The following RCAN1 variants were observed in gnomAD, a reference collection of about 807,000 sequenced individuals.
RCAN1 encodes the protein calcipressin-1.
RCAN1 carries 11 observed loss-of-function variants against 22.9 expected under a neutral mutation model. That is an observed-to-expected ratio of 0.48 (90% confidence interval 0.30 to 0.79). The LOEUF is 0.79. Among genes scored for constraint, RCAN1 ranks in the 30% least tolerant of loss-of-function variants. The pLI, the probability that RCAN1 is intolerant of heterozygous loss-of-function variation, is 0.06. For missense variants in RCAN1, 291 were observed against 337.8 expected, an observed-to-expected ratio of 0.86 and a Z score of 1.09; for synonymous variants, 136 against 142.3, an observed-to-expected ratio of 0.96 and a Z score of 0.32.
chr21:34,556,102 A>AAATAAATAATT (rs1986561009), intron 1 of RCAN1, among the ~76,000 whole-genome samples: 1 of 34,092 alleles, frequency 2.9e-5, no homozygotes, highest in Non-Finnish European at 6.1e-5. Flanking sequence ...ATAAATAATT[A>AAATAAATAATT]AAGGCCAAAA....
chr21:34,588,293 G>A (rs1164939414), intron 1 of RCAN1, among the ~76,000 whole-genome samples: 2 of 152,198 alleles, frequency 1.3e-5, no homozygotes, highest in African/African-American at 2.4e-5. Flanking sequence ...GTAACTTGGT[G>A]GGCCATGGTG....
At chr21:34,525,000 C>T (rs1238944992) in intron 1 of RCAN1, 21 of 1,519,710 alleles carry the variant, frequency 1.4e-5, no homozygotes, top group African/African-American at 2.8e-5. Context: ...TGTGGGAGCC[C>T]GTGTGAAAGG....
In RCAN1 at chr21:34,612,913, C is replaced by T. The variant is rs556667776; in HGVS notation, c.252+1847G>A. Among the ~76,000 whole-genome samples, 7 of 152,348 alleles carry T rather than the reference C, an allele frequency of 4.6e-5. No homozygotes were observed. In the South Asian group the frequency reaches 1.5e-3, roughly 32 times the overall value. On this transcript the variant is annotated intron_variant, in intron 1 of 3. Transcript: ENST00000313806. Reference sequence around the variant, plus strand: ...CCTGACCACTCTGACCAAGCCCCCTCCCCTTGCTCTCTATCCCTGTTTCAG... The same window carrying T: ...CCTGACCACTCTGACCAAGCCCCCTTCCCTTGCTCTCTATCCCTGTTTCAG...
intron 1 of RCAN1, among the ~76,000 whole-genome samples, chr21:34,550,211 C>A (rs1440467963): frequency 1.3e-5 from 2 of 152,146 alleles, no homozygotes; most frequent in Non-Finnish European, 2.9e-5. Flanking sequence ...TGTCATCTCC[C>A]AATGAAGATG....
chr21:34,536,236 A>C (rs764345709), intron 1 of RCAN1, among the ~76,000 whole-genome samples: 1 of 152,228 alleles, frequency 6.6e-6, no homozygotes, highest in Non-Finnish European at 1.5e-5. Context: ...GGCAACATTT[A>C]TTTGGAGATT....
At chr21:34,562,464 A>G (rs7280725) in intron 1 of RCAN1, among the ~76,000 whole-genome samples, 36,850 of 152,048 alleles carry the variant, frequency 0.24, 5,210 homozygotes, top group African/African-American at 0.39. Context: ...GAGGGTCCCC[A>G]AGGAGTGATG....
At chr21:34,583,385 C>T in intron 1 of RCAN1, among the ~76,000 whole-genome samples, 1 of 152,142 alleles carries the variant, frequency 6.6e-6, no homozygotes, top group Non-Finnish European at 1.5e-5. Flanking sequence ...CCATGTTGGT[C>T]AGGCTGGTCT....
intron 1 of RCAN1, among the ~76,000 whole-genome samples, chr21:34,609,849 T>C (rs1233951469): frequency 6.6e-6 from 1 of 152,152 alleles, no homozygotes; most frequent in African/African-American, 2.4e-5. Context: ...TCAGAAACCC[T>C]AAAATTAGAG....
At chr21:34,566,783 T>C (rs976296830) in intron 1 of RCAN1, among the ~76,000 whole-genome samples, 1 of 152,108 alleles carries the variant, frequency 6.6e-6, no homozygotes, top group Non-Finnish European at 1.5e-5. Context: ...AAGCTTCTAC[T>C]CATGGTGGAA....
chr21:34,581,981 C>T (rs1391193525), intron 1 of RCAN1, among the ~76,000 whole-genome samples: 1 of 152,120 alleles, frequency 6.6e-6, no homozygotes, highest in African/African-American at 2.4e-5. Context: ...GTCATCTACC[C>T]TTGTGGGTAG....
intron 1 of RCAN1, among the ~76,000 whole-genome samples, chr21:34,543,966 A>G (rs1433500122): frequency 2.0e-5 from 3 of 152,216 alleles, no homozygotes; most frequent in East Asian, 1.9e-4. Flanking sequence ...TGCTATGAAT[A>G]TTATCTCTAG....
chr21:34,540,746 G>A (rs1286794982), intron 1 of RCAN1, among the ~76,000 whole-genome samples: 1 of 152,094 alleles, frequency 6.6e-6, no homozygotes, highest in Non-Finnish European at 1.5e-5. Context: ...CAGCACTTTG[G>A]GAGGCCGAGG....
chr21:34,529,575 A>G (rs1158052603), intron 1 of RCAN1, among the ~76,000 whole-genome samples: 1 of 152,230 alleles, frequency 6.6e-6, no homozygotes, highest in Non-Finnish European at 1.5e-5. Flanking sequence ...TACTTTATAA[A>G]TAGTGATTCT....
chr21:34,600,053 G>A (rs953640130), intron 1 of RCAN1, among the ~76,000 whole-genome samples: 4 of 152,148 alleles, frequency 2.6e-5, no homozygotes, highest in African/African-American at 9.7e-5. Flanking sequence ...ACAACCAAGA[G>A]TCCAGATCAC....
At position 34,533,594 on chromosome 21, in the gene RCAN1, T is replaced by C. The variant is rs1237954517; in HGVS notation, c.253-9884A>G. ...CTGTTCTAGGTACTAGGAATTCAAA[T>C]ATGAACAAAACAGACAAAACTCCCC... On this transcript the variant is annotated intron_variant, in intron 1 of 3. Transcript: ENST00000313806. Among the ~76,000 whole-genome samples the C allele has an allele frequency of 5.3e-5, 8 of 152,120 alleles. No homozygotes were observed. In the East Asian group the frequency reaches 7.7e-4, roughly 15 times the overall value.
intron 1 of RCAN1, among the ~76,000 whole-genome samples, chr21:34,571,767 C>T (rs929188523): frequency 7.2e-5 from 11 of 152,110 alleles, no homozygotes; most frequent in East Asian, 5.8e-4. Flanking sequence ...AGGCTGGTCT[C>T]GAACTCCTGG....
chr21:34,602,291 T>A (rs1214051518), intron 1 of RCAN1, among the ~76,000 whole-genome samples: 1 of 148,220 alleles, frequency 6.7e-6, no homozygotes, highest in African/African-American at 2.7e-5. Context: ...CACAGAATGC[T>A]CTGTGCTGCC....
intron 1 of RCAN1, among the ~76,000 whole-genome samples, chr21:34,571,069 A>G (rs1052902183): frequency 2.0e-5 from 3 of 152,154 alleles, no homozygotes; most frequent in Admixed American, 1.3e-4. Context: ...CGAGGCAGGC[A>G]GATCACCTGA....
intron 3 of RCAN1, chr21:34,521,164 TC>T: frequency 7.4e-7 from 1 of 1,359,928 alleles, no homozygotes; most frequent in Non-Finnish European, 9.4e-7. Flanking sequence ...CTCATCCCTA[TC>T]CGGAGCGACA....
Sources: allele counts gnomAD v4.1 joint callset (sites outside exome capture counted in the v4.1 genomes callset), GRCh38; gene constraint gnomAD v4.1.1; transcripts MANE v1.5; gene names NCBI Gene and HGNC (gene_info 2026-07-23, HGNC 2026-07-21).